The following DNAH8 variants were observed in gnomAD, a reference collection of about 807,000 sequenced individuals.
DNAH8 encodes dynein axonemal heavy chain 8.
In DNAH8, 382 loss-of-function variants were observed where a neutral mutation model predicts 562.1. That is an observed-to-expected ratio of 0.68 (90% CI 0.63 to 0.74). The LOEUF (loss-of-function observed/expected upper bound fraction) is 0.74, where lower values mean the gene tolerates loss of function less well. Ranked by LOEUF, DNAH8 falls within the 30% of genes least tolerant of loss-of-function variation. The pLI, the probability that DNAH8 is intolerant of heterozygous loss-of-function variation, is 0.00. For synonymous variants in DNAH8, 1,881 were observed against 1,919.4 expected, an observed-to-expected ratio of 0.98 and a Z score of 0.52; for missense variants, 5,203 against 5,620.4, an observed-to-expected ratio of 0.93 and a Z score of 2.37.
At chr6:38,778,721 C>T (rs971087387) in intron 14 of DNAH8, among the ~76,000 whole-genome samples, 2 of 152,016 alleles carry the variant, frequency 1.3e-5, no homozygotes, top group Non-Finnish European at 2.9e-5. Context: ...CCCTCCCTGC[C>T]CCCAGCCATG....
intron 58 of DNAH8, among the ~76,000 whole-genome samples, chr6:38,891,356 T>C (rs1779328522): frequency 1.3e-5 from 2 of 152,294 alleles, no homozygotes; most frequent in South Asian, 4.1e-4. Context: ...AGGTATGAGA[T>C]AAAAATGAGG....
At chr6:38,904,517 G>A (rs546468719) in intron 62 of DNAH8, among the ~76,000 whole-genome samples, 8 of 152,194 alleles carry the variant, frequency 5.3e-5, no homozygotes, top group African/African-American at 1.4e-4. Context: ...CTGGCCGGGC[G>A]CCCTGGCTCA....
At chr6:38,820,775 A>G (rs1678712) in intron 26 of DNAH8, among the ~76,000 whole-genome samples, 75,123 of 151,988 alleles carry the variant, frequency 0.49, 19,548 homozygotes, top group East Asian at 0.7. Flanking sequence ...GATTATCTCA[A>G]TAGACATAGA....
At chr6:38,789,922 T>C (rs377457682) in intron 19 of DNAH8, 39 bp downstream of exon 19, 25 of 1,483,408 alleles carry the variant, frequency 1.7e-5, no homozygotes, top group Non-Finnish European at 2.1e-5. Flanking sequence ...TTTCCTGTTA[T>C]TTAAAATTAG....
chr6:38,910,811 A>G (rs184765425), intron 65 of DNAH8, among the ~76,000 whole-genome samples: 112 of 152,318 alleles, frequency 7.4e-4, no homozygotes, highest in African/African-American at 2.6e-3. Flanking sequence ...CTTCAAAACT[A>G]CAAAAGTTTA....
At chr6:38,848,894 G>C in intron 37 of DNAH8, 93 bp downstream of exon 37, 2 of 1,266,304 alleles carry the variant, frequency 1.6e-6, no homozygotes, top group Non-Finnish European at 2.2e-6. Context: ...TATGGTCAAG[G>C]CTTGACTATG....
At chr6:38,890,515 A>C in intron 57 of DNAH8, 137 bp from the exon 58 acceptor site, 1 of 653,910 alleles carries the variant, frequency 1.5e-6, no homozygotes, top group Non-Finnish European at 2.7e-6. Context: ...ACTGACTCCC[A>C]GTCTTAGCTG....
At chr6:38,760,755 G>A (rs533945227) in intron 10 of DNAH8, among the ~76,000 whole-genome samples, 34 of 152,028 alleles carry the variant, frequency 2.2e-4, no homozygotes, top group Non-Finnish European at 4.0e-4. Flanking sequence ...AAAGATCCTG[G>A]CATCTCTCTC....
At chr6:38,839,184 C>T (rs1167398631) in intron 33 of DNAH8, among the ~76,000 whole-genome samples, 1 of 152,164 alleles carries the variant, frequency 6.6e-6, no homozygotes, top group Non-Finnish European at 1.5e-5. Context: ...TACACACTCT[C>T]CAGGTGACTG....
At chr6:38,911,703 T>G (rs937868522) in intron 66 of DNAH8, 117 bp downstream of exon 66, 1 of 708,308 alleles carries the variant, frequency 1.4e-6, no homozygotes, top group African/African-American at 1.8e-5. Context: ...TTGTTAGTAG[T>G]AGATAATTTT....
Position 38,883,317 on chromosome 6 carries a change from T to C in DNAH8, c.8002-5T>C. The C allele has an allele frequency of 6.2e-7, 1 of 1,604,880 alleles. No individual in the cohort carries two copies. Among genetic ancestry groups the C allele is most frequent in the South Asian group, 1.1e-5 (1 of 88,514 alleles). On this transcript the variant is annotated splice_region_variant and splice_polypyrimidine_tract_variant and intron_variant, in intron 54 of 92. Transcript: ENST00000327475. ...CATTTCAACACTATTATCCTATGAT[T>C]GCAGGCTGTTTTGCTCACAGGAGAG... is the stretch of plus-strand genomic sequence containing the variant.
chr6:38,740,921 T>C (rs1330690958), intron 7 of DNAH8, among the ~76,000 whole-genome samples: 2 of 152,212 alleles, frequency 1.3e-5, no homozygotes, highest in Non-Finnish European at 2.9e-5. Context: ...ACCTTAGATA[T>C]GCTAGTTTAA....
rs1199675909 is a variant in DNAH8 at position 38,834,592 on chromosome 6, T to G, written c.4316T>G (p.Val1439Gly). The stretch of plus-strand genomic sequence containing the variant: ...TCTTCCTTACAGGAAGGACCTATGG[T>G]TCCAAATATACCACCCCAAGAAGCT... ...AEAYELEGPM[V>G]PNIPPQEASN... Residue 1439 changes from valine (V) to glycine (G), a missense_variant, in exon 32 of 93, where the codon GTT becomes GGT. Coordinates refer to ENST00000327475, the MANE Select transcript of DNAH8 (RefSeq NM_001206927.2). 7 of 1,602,782 alleles carry G rather than the reference T, an allele frequency of 4.4e-6. No homozygotes were observed. Among genetic ancestry groups the G allele is most frequent in the Middle Eastern group, 1.7e-4 (1 of 6,050 alleles).
intron 79 of DNAH8, among the ~76,000 whole-genome samples, chr6:38,940,170 C>T (rs531530371): frequency 1.3e-5 from 2 of 152,114 alleles, no homozygotes; most frequent in South Asian, 2.1e-4. Context: ...AAAAGAGGTT[C>T]AAGGGAGTCT....
intron 9 of DNAH8, among the ~76,000 whole-genome samples, chr6:38,753,314 A>G (rs1384354661): frequency 6.6e-6 from 1 of 152,244 alleles, no homozygotes; most frequent in Non-Finnish European, 1.5e-5. Flanking sequence ...CAGCTCAATG[A>G]CTTAATTCCC....
At chr6:38,994,336 A>G (rs73731201) in intron 88 of DNAH8, among the ~76,000 whole-genome samples, 1 of 151,948 alleles carries the variant, frequency 6.6e-6, no homozygotes, top group African/African-American at 2.4e-5. Flanking sequence ...GTTGCTTGTG[A>G]TTTTCCCCCA....
chr6:38,798,834 C>G (rs1234457714), intron 21 of DNAH8, among the ~76,000 whole-genome samples: 1 of 152,126 alleles, frequency 6.6e-6, no homozygotes, highest in Non-Finnish European at 1.5e-5. Flanking sequence ...CCGCAGGAGT[C>G]CCAGTGGTGG....
Position 38,994,453 on chromosome 6 carries a change from T to C in DNAH8, c.13214+4281T>C, listed in dbSNP as rs527870487. ...GTTGTTACATCTGGATTTTTAGTAATAGTAAGAAAGCTTCTTCCCTCATCA... is the reference window on the plus strand; with the variant it reads ...GTTGTTACATCTGGATTTTTAGTAACAGTAAGAAAGCTTCTTCCCTCATCA... On this transcript the variant is annotated intron_variant, in intron 88 of 92. Coordinates refer to ENST00000327475, the MANE Select transcript of DNAH8 (RefSeq NM_001206927.2). Among the ~76,000 whole-genome samples, 54 of 152,080 alleles carry C rather than the reference T, an allele frequency of 3.6e-4. 1 individual carries two copies. The South Asian group carries it at 0.011, about 32-fold the overall frequency.
intron 2 of DNAH8, 26 bp downstream of exon 2, chr6:38,723,225 G>T: frequency 1.3e-6 from 2 of 1,589,554 alleles, no homozygotes; most frequent in Non-Finnish European, 1.7e-6. Flanking sequence ...GATTTTTCAT[G>T]TGTGCCACTT....
Sources: allele counts gnomAD v4.1 joint callset (sites outside exome capture counted in the v4.1 genomes callset), GRCh38; gene constraint gnomAD v4.1.1; transcripts MANE v1.5; gene names NCBI Gene and HGNC (gene_info 2026-07-23, HGNC 2026-07-21).